The following CEP63 variants were observed in gnomAD, a reference collection of about 807,000 sequenced individuals.
CEP63 encodes the protein centrosomal protein of 63 kDa.
A neutral mutation model predicts 89.1 loss-of-function variants in CEP63; 84 were observed. That is an observed-to-expected ratio of 0.94 (90% CI 0.79 to 1.13). The LOEUF is 1.13. Among genes scored for constraint, CEP63 ranks in the 50% most tolerant of loss-of-function variants. The pLI is 0.00. For synonymous variants in CEP63, 267 were observed against 272.5 expected (o/e 0.98, Z 0.20); for missense variants, 838 against 813.3 (o/e 1.03, Z -0.37).
the CEP63 span, among the ~76,000 whole-genome samples, chr3:134,639,116 T>C: frequency 3.5e-5 from 5 of 141,700 alleles, no homozygotes; most frequent in Non-Finnish European, 7.5e-5. Flanking sequence ...GGAAAACAGC[T>C]AAAGCATTGG....
At chr3:134,626,041 CT>C in the CEP63 span, among the ~76,000 whole-genome samples, 3 of 152,262 alleles carry the variant, frequency 2.0e-5, no homozygotes, top group Non-Finnish European at 4.4e-5. Flanking sequence ...CAGCAGACCC[CT>C]GTCCCGGCCC....
Position 134,564,423 on chromosome 3 carries a change from G to A in CEP63, c.*2888G>A, listed in dbSNP as rs1307348580. On this transcript the variant is annotated 3_prime_UTR_variant, in exon 15 of 15. Coordinates refer to ENST00000675561, the MANE Select transcript of CEP63 (RefSeq NM_001353108.3). ...TATCCCCTGACCCATGTCAGGGAAC[G>A]TTTCTCCTCATTGCTGTCATGGCAC... The A allele has an allele frequency of 1.2e-5, 12 of 985,278 alleles. No homozygotes were observed. In the African/African-American group the frequency reaches 1.4e-4, roughly 11 times the overall value. 61.0% of individuals were successfully genotyped at this position (985,278 alleles called of 1,614,324 possible).
chr3:134,759,578 T>C, the CEP63 span, among the ~76,000 whole-genome samples: 1 of 152,150 alleles, frequency 6.6e-6, no homozygotes, highest in African/African-American at 2.4e-5. Flanking sequence ...AGCTATGGTG[T>C]GGAAAGAACC....
Position 134,558,160 on chromosome 3 carries a change from G to C in CEP63, c.1486G>C (p.Ala496Pro). 1 of 1,613,296 alleles carries C rather than the reference G, an allele frequency of 6.2e-7. No homozygotes were observed. Among genetic ancestry groups the C allele is most frequent in the South Asian group, 1.1e-5 (1 of 91,052 alleles). The change falls in exon 13 of 15, where the codon GCA becomes CCA. Residue 496 changes from alanine to proline, a missense_variant. Ala to Pro is a conservative substitution (Grantham distance 27). Transcript: ENST00000675561. ...TTATTAGGCAAAAGAGATTTCACTA[G>C]CAGACCTCCAGGAGAATTATATTGA... ...GLHEAKEISL[A>P]DLQENYIEAL...
chr3:134,591,409 T>C (rs1958593015), downstream of CEP63, among the ~76,000 whole-genome samples: 1 of 152,234 alleles, frequency 6.6e-6, no homozygotes, highest in Non-Finnish European at 1.5e-5. Flanking sequence ...TTGAATTATG[T>C]CTTTAATAAT....
the CEP63 span, among the ~76,000 whole-genome samples, chr3:134,721,172 A>C: frequency 1.3e-5 from 2 of 152,144 alleles, no homozygotes; most frequent in Non-Finnish European, 2.9e-5. Context: ...GTCAGCATAC[A>C]AATCATAAAA....
the CEP63 span, chr3:134,619,262 T>A: frequency 6.2e-7 from 1 of 1,612,118 alleles, no homozygotes; most frequent in African/African-American, 1.3e-5. Flanking sequence ...TGCAATGTCA[T>A]ACTCTATAGG....
At chr3:134,573,888 G>C (rs1365728471) in intron 11 of CEP63, among the ~76,000 whole-genome samples, 1 of 152,192 alleles carries the variant, frequency 6.6e-6, no homozygotes, top group Non-Finnish European at 1.5e-5. Context: ...GCCTGTGTTA[G>C]AGTTAGGCCC....
chr3:134,603,915 G>A, the CEP63 span: 16 of 1,613,900 alleles, frequency 9.9e-6, no homozygotes, highest in African/African-American at 2.7e-5. Context: ...AATTAAAGAC[G>A]AAGATGTAGT....
At chr3:134,726,592 G>A in the CEP63 span, among the ~76,000 whole-genome samples, 3 of 151,974 alleles carry the variant, frequency 2.0e-5, no homozygotes, top group African/African-American at 4.8e-5. Flanking sequence ...CATCAGCCCA[G>A]GAGATGCTAG....
At chr3:134,608,903 C>T in the CEP63 span, 1 of 1,537,606 alleles carries the variant, frequency 6.5e-7, no homozygotes, top group South Asian at 1.3e-5. Flanking sequence ...CCCAATACAC[C>T]CACCGGAGTG....
At chr3:134,489,828 C>G (rs1475724135) in intron 1 of CEP63, among the ~76,000 whole-genome samples, 4 of 152,048 alleles carry the variant, frequency 2.6e-5, no homozygotes, top group East Asian at 1.9e-4. Context: ...GGGTTTTTGC[C>G]TTTTTGTAAA....
chr3:134,501,268 T>C (rs926001430), intron 2 of CEP63, among the ~76,000 whole-genome samples: 3 of 152,230 alleles, frequency 2.0e-5, no homozygotes, highest in African/African-American at 7.2e-5. Context: ...GGCAATATGA[T>C]GCCTCTAGCT....
At chr3:134,733,798 G>T in the CEP63 span, among the ~76,000 whole-genome samples, 2 of 152,226 alleles carry the variant, frequency 1.3e-5, no homozygotes, top group Admixed American at 6.5e-5. Context: ...CAGGCTTCTA[G>T]CCTGCAGAAC....
the CEP63 span, among the ~76,000 whole-genome samples, chr3:134,756,729 T>C: frequency 6.6e-6 from 1 of 152,098 alleles, no homozygotes; most frequent in Non-Finnish European, 1.5e-5. Flanking sequence ...TGCTATCTAA[T>C]ACATTTGAGA....
the CEP63 span, chr3:134,615,226 C>A: frequency 6.6e-6 from 1 of 152,526 alleles, no homozygotes; most frequent in African/African-American, 2.4e-5. Context: ...CAGAGGCCTC[C>A]TCTCTGAAGG....
downstream of CEP63, among the ~76,000 whole-genome samples, chr3:134,578,388 T>C (rs1373169005): frequency 7.0e-6 from 1 of 142,144 alleles, no homozygotes; most frequent in African/African-American, 2.7e-5. Flanking sequence ...TGGAGTGCAG[T>C]GGTGCGATCT....
chr3:134,706,611 G>T, the CEP63 span, among the ~76,000 whole-genome samples: 2 of 152,134 alleles, frequency 1.3e-5, no homozygotes, highest in African/African-American at 2.4e-5. Flanking sequence ...ACATTCTCAA[G>T]GTTCACCTCT....
At chr3:134,617,404 T>C in the CEP63 span, among the ~76,000 whole-genome samples, 1 of 152,102 alleles carries the variant, frequency 6.6e-6, no homozygotes, top group South Asian at 2.1e-4. Context: ...CTACTGGGTG[T>C]AGGATTCTGA....
Sources: allele counts gnomAD v4.1 joint callset (sites outside exome capture counted in the v4.1 genomes callset), GRCh38; gene constraint gnomAD v4.1.1; transcripts MANE v1.5; gene names NCBI Gene and HGNC (gene_info 2026-07-23, HGNC 2026-07-21).